The following CTNNA3 variants were observed in gnomAD, a reference collection of about 807,000 sequenced individuals.
CTNNA3 encodes catenin alpha 3, also known as catenin alpha-3.
A neutral mutation model predicts 95.7 loss-of-function variants in CTNNA3; 76 were observed. The ratio of observed to expected loss-of-function variants is 0.79; its 90% CI spans 0.66 to 0.96. The LOEUF is 0.96. CTNNA3 is among the 40% of genes least tolerant of loss of function. CTNNA3 has a pLI of 0.00. For missense variants in CTNNA3, 1,191 were observed against 1,089.8 expected (o/e 1.09, Z -1.31); for synonymous variants, 431 against 374.4 (o/e 1.15, Z -1.74).
chr10:66,260,491 C>T (rs113232933), intron 13 of CTNNA3, among the ~76,000 whole-genome samples: 45 of 152,244 alleles, frequency 3.0e-4, no homozygotes, highest in African/African-American at 1.1e-3. Context: ...ACTGTGTACA[C>T]ATTAATAAAT....
At chr10:66,516,576 G>A (rs547773084) in intron 11 of CTNNA3, among the ~76,000 whole-genome samples, 3 of 152,122 alleles carry the variant, frequency 2.0e-5, no homozygotes, top group Admixed American at 2.0e-4. Flanking sequence ...CTGCAAAGGT[G>A]GGGGTATTTA....
chr10:66,354,591 G>C (rs1480793692), intron 12 of CTNNA3, among the ~76,000 whole-genome samples: 1 of 152,206 alleles, frequency 6.6e-6, no homozygotes, highest in South Asian at 2.1e-4. Flanking sequence ...GTCTTTTAGA[G>C]TAAGTGGATC....
intron 7 of CTNNA3, among the ~76,000 whole-genome samples, chr10:67,003,238 A>G (rs1415562326): frequency 2.6e-5 from 4 of 152,152 alleles, no homozygotes; most frequent in Non-Finnish European, 4.4e-5. Flanking sequence ...ATATTGGGGA[A>G]TAAACGAAAT....
chr10:66,151,888 G>T (rs2084218494), intron 13 of CTNNA3, among the ~76,000 whole-genome samples: 1 of 151,946 alleles, frequency 6.6e-6, no homozygotes, highest in African/African-American at 2.4e-5. Context: ...AACTAGAAAT[G>T]ATAATCATCT....
intron 9 of CTNNA3, among the ~76,000 whole-genome samples, chr10:66,666,597 G>A (rs1485259433): frequency 6.6e-6 from 1 of 151,894 alleles, no homozygotes; most frequent in East Asian, 1.9e-4. Flanking sequence ...TTCATGTTGT[G>A]CCATCCTAAT....
At chr10:67,623,898 C>A (rs1843934812) in intron 2 of CTNNA3, among the ~76,000 whole-genome samples, 1 of 152,068 alleles carries the variant, frequency 6.6e-6, no homozygotes, top group Non-Finnish European at 1.5e-5. Flanking sequence ...CTCACTGCAA[C>A]CTCCGTCTCC....
At chr10:67,379,134 T>C (rs1843814419) in intron 5 of CTNNA3, among the ~76,000 whole-genome samples, 1 of 152,216 alleles carries the variant, frequency 6.6e-6, no homozygotes, top group Non-Finnish European at 1.5e-5. Flanking sequence ...TCTTAAAATA[T>C]TTCTCTGTTT....
intron 3 of CTNNA3, among the ~76,000 whole-genome samples, chr10:67,546,889 T>C (rs539478269): frequency 2.2e-4 from 34 of 152,324 alleles, no homozygotes; most frequent in Non-Finnish European, 4.1e-4. Context: ...CTATGATGAA[T>C]TGGCAAAAAC....
At chr10:67,270,396 G>A (rs1323431848) in intron 5 of CTNNA3, among the ~76,000 whole-genome samples, 1 of 152,102 alleles carries the variant, frequency 6.6e-6, no homozygotes, top group Non-Finnish European at 1.5e-5. Context: ...TTTATTTTGT[G>A]TTCCAATTGC....
chr10:66,200,150 A>C (rs1321831006), intron 13 of CTNNA3, among the ~76,000 whole-genome samples: 1 of 150,940 alleles, frequency 6.6e-6, no homozygotes, highest in East Asian at 2.0e-4. Flanking sequence ...TATTGTCTTG[A>C]AGAGAATCAG....
At chr10:67,672,544 T>A (rs1280595155) in intron 1 of CTNNA3, among the ~76,000 whole-genome samples, 1 of 152,162 alleles carries the variant, frequency 6.6e-6, no homozygotes, top group Non-Finnish European at 1.5e-5. Flanking sequence ...GTATAAGGTG[T>A]AAGGAAGGGA....
chr10:67,114,352 TA>T (rs1859064206), intron 7 of CTNNA3, among the ~76,000 whole-genome samples: 1 of 151,914 alleles, frequency 6.6e-6, no homozygotes, highest in Non-Finnish European at 1.5e-5. Flanking sequence ...GTTCAAAGAG[TA>T]AAATGGAAAT....
intron 10 of CTNNA3, among the ~76,000 whole-genome samples, chr10:66,616,159 G>C (rs1231387466): frequency 6.6e-6 from 1 of 151,908 alleles, no homozygotes. Flanking sequence ...AGGATCTAAG[G>C]ATTGGGTTTC....
At chr10:67,336,608 A>G (rs1206136725) in intron 5 of CTNNA3, among the ~76,000 whole-genome samples, 1 of 152,232 alleles carries the variant, frequency 6.6e-6, no homozygotes, top group Non-Finnish European at 1.5e-5. Context: ...AGAAGATTCC[A>G]TCTAGGACTT....
chr10:66,314,248 C>T (rs1246114555), intron 12 of CTNNA3, among the ~76,000 whole-genome samples: 1 of 152,132 alleles, frequency 6.6e-6, no homozygotes, highest in Non-Finnish European at 1.5e-5. Flanking sequence ...ATAAAGAAGG[C>T]AGCTCCACCC....
intron 1 of CTNNA3, among the ~76,000 whole-genome samples, chr10:67,658,281 C>T (rs539154426): frequency 6.6e-6 from 1 of 152,246 alleles, no homozygotes; most frequent in East Asian, 1.9e-4. Flanking sequence ...TTAAAGATTA[C>T]CTAAGAAAAT....
At chr10:66,925,133 G>A (rs1181972368) in intron 7 of CTNNA3, among the ~76,000 whole-genome samples, 5 of 152,114 alleles carry the variant, frequency 3.3e-5, no homozygotes, top group African/African-American at 1.2e-4. Context: ...TCATCTAGTG[G>A]TTAGTGGTTC....
In CTNNA3 at chr10:66,331,342, GTTTTTTTTTTTTT is replaced by G. The variant is rs60709020; in HGVS notation, c.1732+47797_1732+47809del. ...ATATGGACTCCTTTCCCCATTGTTT[GTTTTTTTTTTTTT>G]TTTTTTTTTTTTTTTTGAGACGGAG... On this transcript the variant is annotated intron_variant, in intron 12 of 17. Transcript: ENST00000433211. Among the ~76,000 whole-genome samples the G allele has an allele frequency of 2.1e-4, 17 of 80,344 alleles. 2 individuals are homozygous for G. The highest frequency in any genetic ancestry group is 5.2e-4 in the African/African-American group (11 of 21,172). The allele number at this position is 80,344 out of a possible 152,430, so 52.7% of individuals were successfully genotyped here.
At chr10:67,115,689 T>C (rs965981764) in intron 7 of CTNNA3, among the ~76,000 whole-genome samples, 13 of 151,544 alleles carry the variant, frequency 8.6e-5, no homozygotes, top group African/African-American at 3.1e-4. Context: ...TAAAAATAAA[T>C]AAACAGATTT....
Sources: gnomAD v4.1 joint callset for allele counts (sites outside exome capture counted in the v4.1 genomes callset) on GRCh38, gnomAD v4.1.1 for gene constraint, MANE v1.5 for transcripts, NCBI Gene and HGNC (gene_info 2026-07-23, HGNC 2026-07-21) for gene names.